The following AGFG1 variants were observed in gnomAD, a reference collection of about 807,000 sequenced individuals.
AGFG1 encodes the protein arf-GAP domain and FG repeat-containing protein 1.
A neutral mutation model predicts 60.6 loss-of-function variants in AGFG1; 10 were observed. That is an observed-to-expected ratio of 0.16 (90% CI 0.10 to 0.28). The LOEUF is 0.28. Among genes scored for constraint, AGFG1 ranks in the 10% least tolerant of loss-of-function variants. The probability of loss-of-function intolerance (pLI) is 1.00; values close to 1 mark genes in which losing one functional copy is unlikely to be tolerated. For synonymous variants in AGFG1, 247 were observed against 242.9 expected (o/e 1.02, Z -0.16); for missense variants, 537 against 676.5 (o/e 0.79, Z 2.29).
At chr2:227,511,404 T>C (rs941983749) in intron 2 of AGFG1, among the ~76,000 whole-genome samples, 3 of 152,184 alleles carry the variant, frequency 2.0e-5, no homozygotes, top group African/African-American at 7.2e-5. Flanking sequence ...ATAAGGTCTT[T>C]GTTGCAGTTA....
At chr2:227,518,432 T>C (rs1194802781) in intron 2 of AGFG1, among the ~76,000 whole-genome samples, 1 of 152,108 alleles carries the variant, frequency 6.6e-6, no homozygotes, top group African/African-American at 2.4e-5. Context: ...TTGTTCCACA[T>C]TGTTACCAAC....
intron 2 of AGFG1, among the ~76,000 whole-genome samples, chr2:227,514,683 C>G (rs76968373): frequency 0.054 from 8,244 of 152,148 alleles, 293 homozygotes; most frequent in African/African-American, 0.09. Flanking sequence ...ATTCCCTTGT[C>G]CAAGCTCATT....
At chr2:227,494,688 C>T (rs1252788718) in intron 2 of AGFG1, among the ~76,000 whole-genome samples, 1 of 152,150 alleles carries the variant, frequency 6.6e-6, no homozygotes, top group South Asian at 2.1e-4. Flanking sequence ...TATGAATGTT[C>T]CTCCAGACAT....
At chr2:227,531,618 C>T (rs1318730938) in intron 6 of AGFG1, among the ~76,000 whole-genome samples, 4 of 139,620 alleles carry the variant, frequency 2.9e-5, no homozygotes, top group East Asian at 2.1e-4. Flanking sequence ...TTTTTGGTAG[C>T]AGCTGGGTCT....
chr2:227,478,396 G>A (rs1469968663), intron 1 of AGFG1, among the ~76,000 whole-genome samples: 2 of 151,970 alleles, frequency 1.3e-5, no homozygotes. Flanking sequence ...AGGCTGGAGT[G>A]CAGTGGCATT....
intron 2 of AGFG1, among the ~76,000 whole-genome samples, chr2:227,509,550 T>A (rs1326256837): frequency 6.6e-6 from 1 of 152,188 alleles, no homozygotes; most frequent in African/African-American, 2.4e-5. Context: ...TTAGGAAATA[T>A]ACATTTAGGG....
chr2:227,491,492 C>T (rs1288295621), intron 1 of AGFG1, 55 bp from the exon 2 acceptor site: 3 of 1,130,734 alleles, frequency 2.7e-6, no homozygotes, highest in Non-Finnish European at 3.8e-6. Context: ...CTAGATGTGT[C>T]ATTTTAAAAA....
chr2:227,472,625 C>A, intron 1 of AGFG1, 37 bp downstream of exon 1: 1 of 1,545,328 alleles, frequency 6.5e-7, no homozygotes, highest in Non-Finnish European at 8.7e-7. Flanking sequence ...TCGGGCCCTT[C>A]CCGGGAGGTG....
chr2:227,550,813 T>A (rs1271438562), intron 10 of AGFG1, among the ~76,000 whole-genome samples: 1 of 152,212 alleles, frequency 6.6e-6, no homozygotes, highest in South Asian at 2.1e-4. Context: ...CTTAAATCAA[T>A]GAACAAATTG....
intron 1 of AGFG1, among the ~76,000 whole-genome samples, chr2:227,490,813 T>C (rs548140368): frequency 1.3e-5 from 2 of 152,318 alleles, no homozygotes; most frequent in East Asian, 3.9e-4. Flanking sequence ...GTTTTTCATG[T>C]GCGTGTTCAA....
chr2:227,505,470 TA>T (rs1395325494), intron 2 of AGFG1, among the ~76,000 whole-genome samples: 1 of 137,854 alleles, frequency 7.3e-6, no homozygotes. Flanking sequence ...GGCATTTTGA[TA>T]CTGTTCTGCA....
At chr2:227,478,296 CATATATA>C (rs967185963) in intron 1 of AGFG1, among the ~76,000 whole-genome samples, 2 of 149,458 alleles carry the variant, frequency 1.3e-5, no homozygotes, top group African/African-American at 4.9e-5. Context: ...ATTATATATA[CATATATA>C]ATATATATAT....
intron 2 of AGFG1, among the ~76,000 whole-genome samples, chr2:227,510,187 T>C (rs1421631704): frequency 1.3e-5 from 2 of 152,092 alleles, no homozygotes; most frequent in Non-Finnish European, 2.9e-5. Context: ...GTACTCATGC[T>C]CCTTACTGAA....
intron 10 of AGFG1, among the ~76,000 whole-genome samples, chr2:227,539,305 C>T (rs761873357): frequency 2.6e-5 from 4 of 151,696 alleles, no homozygotes; most frequent in South Asian, 4.2e-4. Context: ...TAGCCAGGTG[C>T]GGTGGTACGT....
intron 2 of AGFG1, among the ~76,000 whole-genome samples, chr2:227,504,423 G>GCCCAA (rs929094494): frequency 7.2e-5 from 11 of 152,062 alleles, no homozygotes; most frequent in Non-Finnish European, 1.2e-4. Flanking sequence ...TAACTTTTGG[G>GCCCAA]CCCAAATGAT....
At chr2:227,492,219 C>T (rs1487220661) in intron 2 of AGFG1, among the ~76,000 whole-genome samples, 1 of 151,476 alleles carries the variant, frequency 6.6e-6, no homozygotes, top group African/African-American at 2.4e-5. Flanking sequence ...ATTCTGTTTG[C>T]TTGTTTGCTT....
At chr2:227,476,634 A>G (rs1420989373) in intron 1 of AGFG1, among the ~76,000 whole-genome samples, 2 of 152,180 alleles carry the variant, frequency 1.3e-5, no homozygotes, top group African/African-American at 2.4e-5. Context: ...GACTCTTGAG[A>G]TGAATGTTAC....
At chr2:227,502,261 A>C (rs925194685) in intron 2 of AGFG1, among the ~76,000 whole-genome samples, 1 of 152,180 alleles carries the variant, frequency 6.6e-6, no homozygotes, top group Admixed American at 6.5e-5. Flanking sequence ...TAATTTGTTC[A>C]TTCTTCTTTG....
intron 12 of AGFG1, 106 bp from the exon 13 acceptor site, chr2:227,554,330 T>C: frequency 2.2e-6 from 2 of 922,674 alleles, no homozygotes; most frequent in Non-Finnish European, 3.3e-6. Flanking sequence ...AAATAATTCT[T>C]AACCAAAAAG....
Sources: gnomAD v4.1 joint callset for allele counts (sites outside exome capture counted in the v4.1 genomes callset) on GRCh38, gnomAD v4.1.1 for gene constraint, MANE v1.5 for transcripts, NCBI Gene and HGNC (gene_info 2026-07-23, HGNC 2026-07-21) for gene names.